The following TIAM1 variants were observed in gnomAD, a reference collection of about 807,000 sequenced individuals.
The protein encoded by TIAM1 is rho guanine nucleotide exchange factor TIAM1.
A neutral mutation model predicts 163.5 loss-of-function variants in TIAM1; 65 were observed. The ratio of observed to expected loss-of-function variants is 0.40; its 90% CI spans 0.33 to 0.49. TIAM1 has a LOEUF of 0.49. Among genes scored for constraint, TIAM1 ranks in the 20% least tolerant of loss-of-function variants. The pLI, the probability that TIAM1 is intolerant of heterozygous loss-of-function variation, is 0.77. For synonymous variants in TIAM1, 833 were observed against 810.1 expected (o/e 1.03, Z -0.48); for missense variants, 1,789 against 2,044.7 (o/e 0.87, Z 2.41).
intron 6 of TIAM1, 50 bp downstream of exon 6, chr21:31,245,438 T>C (rs750472365): frequency 8.1e-7 from 1 of 1,240,740 alleles, no homozygotes; most frequent in South Asian, 3.1e-5. Flanking sequence ...GAAAAGAAGG[T>C]AGCCAGTTCA....
intron 2 of TIAM1, among the ~76,000 whole-genome samples, chr21:31,330,956 A>C (rs562697389): frequency 2.6e-5 from 4 of 152,014 alleles, no homozygotes; most frequent in Non-Finnish European, 4.4e-5. Context: ...GAAAGGTAAA[A>C]TGTGATTTGA....
At chr21:31,536,219 T>C (rs1025389458) in intron 1 of TIAM1, among the ~76,000 whole-genome samples, 1 of 152,170 alleles carries the variant, frequency 6.6e-6, no homozygotes, top group African/African-American at 2.4e-5. Flanking sequence ...ATTTTCCCCA[T>C]GTGATAGACG....
chr21:31,447,401 A>C (rs2044667317), intron 2 of TIAM1, among the ~76,000 whole-genome samples: 1 of 152,108 alleles, frequency 6.6e-6, no homozygotes, highest in South Asian at 2.1e-4. Context: ...ATGCCACTGC[A>C]CTCCAGCCTG....
chr21:31,404,496 A>G (rs200313183), intron 2 of TIAM1, among the ~76,000 whole-genome samples: 9,257 of 152,074 alleles, frequency 0.061, 317 homozygotes, highest in Middle Eastern at 0.13. Context: ...AAAGAGGAAA[A>G]AAAAAAGTGT....
At chr21:31,212,188 A>G (rs2086917870) in intron 10 of TIAM1, among the ~76,000 whole-genome samples, 1 of 152,138 alleles carries the variant, frequency 6.6e-6, no homozygotes, top group Admixed American at 6.5e-5. Flanking sequence ...TGTATGAAGG[A>G]AAGAAAAGGC....
chr21:31,551,849 T>C (rs571089478), intron 1 of TIAM1, among the ~76,000 whole-genome samples: 1 of 152,256 alleles, frequency 6.6e-6, no homozygotes, highest in South Asian at 2.1e-4. Context: ...TTAAATCATA[T>C]ATTCATACTA....
chr21:31,411,307 T>C (rs1414415541), intron 2 of TIAM1, among the ~76,000 whole-genome samples: 1 of 152,172 alleles, frequency 6.6e-6, no homozygotes, highest in Non-Finnish European at 1.5e-5. Context: ...TTTCACTGTC[T>C]GGATAAAGGT....
At chr21:31,421,922 C>T (rs534955766) in intron 2 of TIAM1, among the ~76,000 whole-genome samples, 106 of 152,060 alleles carry the variant, frequency 7.0e-4, no homozygotes, top group African/African-American at 2.5e-3. Context: ...CCCAGGAGGT[C>T]GAGACTGCAG....
chr21:31,181,813 A>G (rs1343022291), intron 15 of TIAM1, among the ~76,000 whole-genome samples: 1 of 86,794 alleles, frequency 1.2e-5, no homozygotes, highest in African/African-American at 4.3e-5. Flanking sequence ...TTTACGAGAC[A>G]GGCCTCTGTC....
chr21:31,544,961 C>A (rs946440560), intron 1 of TIAM1, among the ~76,000 whole-genome samples: 1 of 151,470 alleles, frequency 6.6e-6, no homozygotes, highest in Non-Finnish European at 1.5e-5. Context: ...TGCAGTAAGC[C>A]AAGATCACGC....
intron 13 of TIAM1, among the ~76,000 whole-genome samples, chr21:31,194,371 C>T (rs2085742703): frequency 6.6e-6 from 1 of 152,096 alleles, no homozygotes; most frequent in African/African-American, 2.4e-5. Flanking sequence ...CTACACACCA[C>T]CAAAATAGTT....
At chr21:31,247,540 A>G (rs1357391969) in intron 5 of TIAM1, among the ~76,000 whole-genome samples, 1 of 151,838 alleles carries the variant, frequency 6.6e-6, no homozygotes, top group African/African-American at 2.4e-5. Flanking sequence ...AACTACAGGC[A>G]TATACAACCA....
chr21:31,452,913 G>A, intron 2 of TIAM1: 1 of 515,504 alleles, frequency 1.9e-6, no homozygotes, highest in Non-Finnish European at 3.9e-6. Context: ...GACAGGCCTA[G>A]ATATTGGGAG....
At chr21:31,173,846 T>C (rs891310527) in intron 15 of TIAM1, among the ~76,000 whole-genome samples, 5 of 152,098 alleles carry the variant, frequency 3.3e-5, no homozygotes, top group African/African-American at 1.2e-4. Context: ...AAATAGAGCA[T>C]CTCAGTCTCC....
intron 1 of TIAM1, among the ~76,000 whole-genome samples, chr21:31,501,233 G>A (rs2833433): frequency 0.078 from 11,848 of 152,156 alleles, 630 homozygotes; most frequent in Admixed American, 0.16. Context: ...GCAGAGGCTG[G>A]TTCACACCCC....
intron 1 of TIAM1, among the ~76,000 whole-genome samples, chr21:31,508,481 C>T (rs2047107775): frequency 2.0e-5 from 3 of 151,524 alleles, no homozygotes; most frequent in South Asian, 2.1e-4. Context: ...CTCCGCCTCC[C>T]GGGTTCAAGC....
intron 1 of TIAM1, among the ~76,000 whole-genome samples, chr21:31,537,673 A>G (rs1221180974): frequency 6.6e-6 from 1 of 151,900 alleles, no homozygotes; most frequent in South Asian, 2.1e-4. Flanking sequence ...AATTGCTCGA[A>G]CCTGGAAGGC....
intron 3 of TIAM1, among the ~76,000 whole-genome samples, chr21:31,275,655 G>A (rs748733943): frequency 5.3e-5 from 8 of 152,162 alleles, no homozygotes; most frequent in Non-Finnish European, 1.2e-4. Context: ...TCTTACTTGT[G>A]ATGGTAACCT....
At position 31,252,170 on chromosome 21, in the gene TIAM1, C is replaced by A. The variant is rs1249016772; in HGVS notation, c.983G>T (p.Gly328Val). The change falls in exon 5 of 28, where the codon GGC becomes GTC. Residue 328 changes from glycine to valine, a missense_variant. Physicochemically the swap from Gly to Val is moderately radical, Grantham distance 109 (BLOSUM62 -3). Around this residue, in one of 5 missense-constraint regions of TIAM1, gnomAD observed 555 missense variants for 564.9 expected, o/e 0.98. Transcript: ENST00000541036. Reference protein sequence around the residue: ...KTTQDVNAGEGSEFADSGIEG... With the variant: ...KTTQDVNAGEVSEFADSGIEG... ...AATCCCACTGTCTGCAAACTCACTG[C>A]CCTCGCCTGCATTAACATCCTTGGG... The A allele has an allele frequency of 5.6e-6, 9 of 1,606,472 alleles. No homozygotes were observed. Among genetic ancestry groups the A allele is most frequent in the Middle Eastern group, 1.7e-4 (1 of 6,060 alleles).
Sources: gnomAD v4.1 joint callset for allele counts (sites outside exome capture counted in the v4.1 genomes callset) on GRCh38, gnomAD v4.1.1 for gene constraint, gnomAD v4.1.1 regional missense constraint, MANE v1.5 for transcripts, NCBI Gene and HGNC (gene_info 2026-07-23, HGNC 2026-07-21) for gene names.